Variants in VPS36 observed in about 807,000 individuals in gnomAD.
VPS36 encodes vacuolar protein sorting 36 homolog.
In VPS36, 31 loss-of-function variants were observed where a neutral mutation model predicts 63.5. The observed-to-expected ratio is 0.49, with a 90% CI of 0.37 to 0.66. VPS36 has a LOEUF of 0.66. Ranked by LOEUF, VPS36 falls within the 30% of genes least tolerant of loss-of-function variation. The pLI is 0.00. For missense variants in VPS36, 338 were observed against 463.7 expected (o/e 0.73, Z 2.49); for synonymous variants, 138 against 157.2 (o/e 0.88, Z 0.91).
chr13:52,437,469 A>T (rs747945324), intron 3 of VPS36, among the ~76,000 whole-genome samples: 18 of 152,178 alleles, frequency 1.2e-4, no homozygotes, highest in African/African-American at 1.7e-4. Flanking sequence ...CTAAAAAAAA[A>T]CGCTCAGCCC....
chr13:52,434,487 C>T (rs2137795734), intron 5 of VPS36, among the ~76,000 whole-genome samples: 1 of 152,004 alleles, frequency 6.6e-6, no homozygotes, highest in East Asian at 1.9e-4. Context: ...GCCTTCTGAG[C>T]AGCTGGGATT....
At chr13:52,433,393 A>T (rs1327398810) in intron 6 of VPS36, among the ~76,000 whole-genome samples, 1 of 150,198 alleles carries the variant, frequency 6.7e-6, no homozygotes, top group Non-Finnish European at 1.5e-5. Context: ...CCGCCAATCA[A>T]TTTCATCTAG....
chr13:52,442,817 G>A (rs1958294892), intron 1 of VPS36, among the ~76,000 whole-genome samples: 1 of 152,190 alleles, frequency 6.6e-6, no homozygotes, highest in Non-Finnish European at 1.5e-5. Context: ...CAGTATATGT[G>A]TGTGTCTGCA....
chr13:52,442,557 C>G (rs145028913), intron 1 of VPS36, 112 bp from the exon 2 acceptor site: 8 of 870,558 alleles, frequency 9.2e-6, no homozygotes, highest in Non-Finnish European at 1.4e-5. Flanking sequence ...AAACATTTTA[C>G]TTTTAGAATA....
chr13:52,444,228 C>T (rs1047579321), intron 1 of VPS36, among the ~76,000 whole-genome samples: 3 of 152,058 alleles, frequency 2.0e-5, no homozygotes, highest in African/African-American at 4.8e-5. Context: ...GAGGCCAAGG[C>T]GGGTGGATCA....
chr13:52,449,674 C>T (rs1958379386), intron 1 of VPS36, among the ~76,000 whole-genome samples: 1 of 152,146 alleles, frequency 6.6e-6, no homozygotes, highest in African/African-American at 2.4e-5. Flanking sequence ...TTTCTAATTC[C>T]AGTTTATCCA....
chr13:52,448,915 C>A (rs1335600190), intron 1 of VPS36, among the ~76,000 whole-genome samples: 1 of 152,106 alleles, frequency 6.6e-6, no homozygotes, highest in African/African-American at 2.4e-5. Flanking sequence ...ATCAAAACAC[C>A]GAGGAAGGGG....
chr13:52,415,479 CT>C lies in VPS36; in HGVS notation c.*350del, dbSNP rs536513807. ...ACACCAAAATAATAATCTAACCTGT[CT>C]GAACATGCAACTTCTCTTTTTATTC... On this transcript the variant is annotated 3_prime_UTR_variant, in exon 14 of 14. Coordinates refer to ENST00000378060, the MANE Select transcript of VPS36 (RefSeq NM_016075.4). The C allele has an allele frequency of 1.6e-4, 31 of 193,988 alleles. No homozygotes were observed. The South Asian group carries it at 3.1e-3, about 20-fold the overall frequency. 12.0% of individuals were successfully genotyped at this position (193,988 alleles called of 1,614,324 possible).
intron 10 of VPS36, 112 bp from the exon 11 acceptor site, chr13:52,418,168 C>A: frequency 1.1e-6 from 1 of 940,380 alleles, no homozygotes; most frequent in Non-Finnish European, 1.5e-6. Flanking sequence ...TTAATCACTA[C>A]AAAGCAAAAA....
chr13:52,448,594 C>G (rs1594127156), intron 1 of VPS36, among the ~76,000 whole-genome samples: 1 of 152,226 alleles, frequency 6.6e-6, no homozygotes, highest in African/African-American at 2.4e-5. Flanking sequence ...CCTCTGACAT[C>G]TATATACTTG....
Position 52,415,925 on chromosome 13 carries a change from T to TA in VPS36, c.1068-3dup, listed in dbSNP as rs199969103. ...CCCATCTTCTCTGCAAGCAGCAACC[T>TA]AAAAAAAAACAACAAAAAAACCCCC... On this transcript the variant is annotated splice_polypyrimidine_tract_variant and splice_region_variant and intron_variant, in intron 13 of 13. Coordinates refer to ENST00000378060, the MANE Select transcript of VPS36 (RefSeq NM_016075.4). 2,315 of 1,597,798 alleles carry TA rather than the reference T, an allele frequency of 1.4e-3. 19 individuals carry two copies. The African/African-American group carries it at 0.026, about 18-fold the overall frequency.
Position 52,448,621 on chromosome 13 carries a change from G to A in VPS36, c.96+1878C>T, listed in dbSNP as rs148390012. Among the ~76,000 whole-genome samples the A allele has an allele frequency of 7.1e-3, 1,089 of 152,322 alleles. 14 individuals carry two copies. Among genetic ancestry groups the A allele is most frequent in the African/African-American group, 0.024 (1,008 of 41,560 alleles). On this transcript the variant is annotated intron_variant, in intron 1 of 13. Coordinates refer to ENST00000378060, the MANE Select transcript of VPS36 (RefSeq NM_016075.4). The stretch of plus-strand genomic sequence containing the variant: ...ATATACTTGTCTGCTAATACAAGCA[G>A]CAAAAATTTTAAAGTAAAAATTAAA...
At chr13:52,448,519 A>C (rs1958367934) in intron 1 of VPS36, among the ~76,000 whole-genome samples, 2 of 152,240 alleles carry the variant, frequency 1.3e-5, no homozygotes, top group African/African-American at 4.8e-5. Flanking sequence ...AGCTTTTAGA[A>C]GAGTTAATTC....
chr13:52,450,155 G>A, intron 1 of VPS36: 1 of 1,004,928 alleles, frequency 1.0e-6, no homozygotes, highest in South Asian at 4.6e-5. Flanking sequence ...CCGGATCGCC[G>A]CCCGGCGCCC....
chr13:52,431,205 G>A (rs375174117), intron 6 of VPS36, among the ~76,000 whole-genome samples: 3 of 152,152 alleles, frequency 2.0e-5, no homozygotes, highest in Non-Finnish European at 2.9e-5. Flanking sequence ...CTCAGACAGC[G>A]TAAACACAGT....
intron 6 of VPS36, among the ~76,000 whole-genome samples, chr13:52,428,861 G>A (rs537225308): frequency 2.0e-5 from 3 of 152,078 alleles, no homozygotes; most frequent in South Asian, 2.1e-4. Context: ...CAAAGAATAT[G>A]TAAATAAGTC....
At chr13:52,424,178 T>G (rs1958073440) in intron 9 of VPS36, among the ~76,000 whole-genome samples, 3 of 151,482 alleles carry the variant, frequency 2.0e-5, no homozygotes, top group Admixed American at 6.6e-5. Flanking sequence ...ATTTTAACAT[T>G]TACTTAAATG....
At chr13:52,434,749 TAC>T in intron 5 of VPS36, 42 bp downstream of exon 5, 1 of 1,533,480 alleles carries the variant, frequency 6.5e-7, no homozygotes, top group Non-Finnish European at 9.0e-7. Context: ...AAGATGTAAG[TAC>T]AGAGTTGAAA....
chr13:52,439,559 C>T (rs1485682126), intron 2 of VPS36, among the ~76,000 whole-genome samples: 1 of 152,066 alleles, frequency 6.6e-6, no homozygotes, highest in Non-Finnish European at 1.5e-5. Context: ...CATTCTCCTG[C>T]TTCAGCCTCC....
Sources: allele counts gnomAD v4.1 joint callset (sites outside exome capture counted in the v4.1 genomes callset), GRCh38; gene constraint gnomAD v4.1.1; transcripts MANE v1.5; gene names NCBI Gene and HGNC (gene_info 2026-07-23, HGNC 2026-07-21).